The following RGS12 variants were observed in gnomAD, a reference collection of about 807,000 sequenced individuals.
The protein encoded by RGS12 is regulator of G protein signaling 12.
Under a neutral mutation model 120.1 loss-of-function variants are expected in RGS12, and 66 were observed. The observed-to-expected ratio is 0.55, with a 90% CI of 0.45 to 0.67. The LOEUF (loss-of-function observed/expected upper bound fraction) is 0.67. RGS12 is among the 30% of genes least tolerant of loss of function. The pLI is 0.00. For synonymous variants in RGS12, 827 were observed against 804.7 expected (o/e 1.03, Z -0.47); for missense variants, 1,859 against 1,957.7 (o/e 0.95, Z 0.95).
rs2108990907 is a variant in RGS12 at position 3,390,633 on chromosome 4, C to A, written c.2020+4196C>A. 6.6e-6 allele frequency among the ~76,000 whole-genome samples: 1 copy of A among 152,362 alleles called. No homozygotes were observed. The highest frequency in any genetic ancestry group is 2.1e-4 in the South Asian group (1 of 4,826). Reference sequence around the variant, plus strand: ...CAGTGCCTTCACCCAACACGCGGGCCTTTGGAGCTCAGACCTGGCCATGGC... The same window carrying A: ...CAGTGCCTTCACCCAACACGCGGGCATTTGGAGCTCAGACCTGGCCATGGC... On this transcript the variant is annotated intron_variant, in intron 4 of 17. Transcript: ENST00000336727. The surrounding 1 kb of genome is among the most constrained non-coding windows in gnomAD (Gnocchi z 4.6).
At chr4:3,368,355 A>ACCTGTGTGTGTGCGCG (rs1716559744) in intron 3 of RGS12, among the ~76,000 whole-genome samples, 2 of 128,044 alleles carry the variant, frequency 1.6e-5, no homozygotes, top group Admixed American at 1.5e-4. Flanking sequence ...GTGTGTGTGC[A>ACCTGTGTGTGTGCGCG]CCTGTGTGTG....
intron 4 of RGS12, among the ~76,000 whole-genome samples, chr4:3,405,952 A>G (rs928046952): frequency 6.6e-6 from 1 of 151,628 alleles, no homozygotes; most frequent in Non-Finnish European, 1.5e-5. Context: ...TGTCTAGGAG[A>G]GGGCTGGTTT....
intron 17 of RGS12, among the ~76,000 whole-genome samples, chr4:3,436,790 T>TCCTGCTGCATCTTGTGGGGCCTC (rs1724849801): frequency 6.6e-6 from 1 of 152,130 alleles, no homozygotes; most frequent in Non-Finnish European, 1.5e-5. Flanking sequence ...AGAGGGGCCT[T>TCCTGCTGCATCTTGTGGGGCCTC]CCTGCTGCAT....
At chr4:3,436,512 G>T (rs1052767431) in intron 17 of RGS12, among the ~76,000 whole-genome samples, 1 of 152,214 alleles carries the variant, frequency 6.6e-6, no homozygotes, top group Non-Finnish European at 1.5e-5. Context: ...GGAAGGGCGG[G>T]CAGTGGGAGA....
In RGS12 at chr4:3,366,925, T is replaced by C. The variant is rs186587825; in HGVS notation, c.1999-19491T>C. Among the ~76,000 whole-genome samples, 11 of 152,264 alleles carry C rather than the reference T, an allele frequency of 7.2e-5. No individual in the cohort carries two copies. In the East Asian group the frequency reaches 1.9e-3, roughly 27 times the overall value. ...CCAGGCCTCTCCTGGCCCCAGGACA[T>C]AGCCCACGTGGGTCCTCACCTCTGC... On this transcript the variant is annotated intron_variant, in intron 3 of 17. Transcript: ENST00000336727. This position sits in a 1 kb window ranked among gnomAD's most constrained non-coding sequence, Gnocchi z 4.0.
rs1225530650 is a variant in RGS12, at chr4:3,365,008, G to A, written c.1999-21408G>A. On this transcript the variant is annotated intron_variant, in intron 3 of 17. Transcript: ENST00000336727. This position sits in a 1 kb window ranked among gnomAD's most constrained non-coding sequence, Gnocchi z 4.0. ...CACTGGATGGAGCCTCCTGCACCCAGGGCAGAAGCTGCACCTTTCCAGGGG... is the reference window on the plus strand; with the variant it reads ...CACTGGATGGAGCCTCCTGCACCCAAGGCAGAAGCTGCACCTTTCCAGGGG... 2.6e-5 allele frequency among the ~76,000 whole-genome samples: 4 copies of A among 152,088 alleles called. No homozygotes were observed. The highest frequency in any genetic ancestry group is 9.7e-5 in the African/African-American group (4 of 41,410).
chr4:3,364,625 T>C (rs1470352771), intron 3 of RGS12, among the ~76,000 whole-genome samples: 4 of 151,966 alleles, frequency 2.6e-5, no homozygotes, highest in South Asian at 4.2e-4. Context: ...AGGGCAGGTG[T>C]TGGGACACAG....
In RGS12 at chr4:3,422,422, A is replaced by T. The variant is rs1296510037; in HGVS notation, c.2885A>T (p.Lys962Met). Residue 962 changes from lysine to methionine, a missense_variant, in exon 11 of 18, where the codon AAG becomes ATG. Coordinates refer to ENST00000336727, the MANE Select transcript of RGS12 (RefSeq NM_001394154.1). ...TLAPEKDKAT[K>M]HCCIHLPDGT... ...GCACCCGAGAAGGACAAGGCCACCA[A>T]GCACTGCTGCATTCATCTCCCGGAT... The T allele has an allele frequency of 1.9e-6, 3 of 1,612,884 alleles. No homozygotes were observed. The highest frequency in any genetic ancestry group is 8.5e-7 in the Non-Finnish European group (1 of 1,179,918).
intron 1 of RGS12, among the ~76,000 whole-genome samples, chr4:3,309,906 A>G (rs56359978): frequency 9.2e-4 from 60 of 65,440 alleles, no homozygotes; most frequent in South Asian, 3.0e-3. Context: ...GGAACCGTGC[A>G]GGGGAGGAGC....
intron 16 of RGS12, among the ~76,000 whole-genome samples, chr4:3,429,201 A>G (rs947823235): frequency 6.6e-6 from 1 of 152,258 alleles, no homozygotes. Context: ...GTCAGCCTGC[A>G]CACCCCTGGC....
In RGS12 at chr4:3,317,651, G is replaced by C. The variant is rs139665491; in HGVS notation, c.1481G>C (p.Arg494Thr). ...TTTGAGGCCGCTCATCAGACTGACA[G>C]GTTCTGGGACCTAAACAAGCACCTA... Reference protein sequence around the residue: ...PPFEAAHQTDRFWDLNKHLGP... With the variant: ...PPFEAAHQTDTFWDLNKHLGP... Residue 494 changes from arginine to threonine, a missense_variant, in exon 2 of 18, where the codon AGG (arginine) becomes ACG (threonine). Transcript: ENST00000336727. The C allele has an allele frequency of 1.6e-5, 25 of 1,598,100 alleles. No homozygotes were observed. The African/African-American group carries it at 2.9e-4, about 19-fold the overall frequency.
At chr4:3,340,017 CAA>C (rs1712884224) in intron 2 of RGS12, among the ~76,000 whole-genome samples, 2 of 152,220 alleles carry the variant, frequency 1.3e-5, no homozygotes, top group Admixed American at 6.5e-5. Flanking sequence ...ATAATGAGAA[CAA>C]AGTCACTCAT....
At chr4:3,336,202 G>T (rs1046328832) in intron 2 of RGS12, among the ~76,000 whole-genome samples, 8 of 152,228 alleles carry the variant, frequency 5.3e-5, no homozygotes, top group African/African-American at 1.9e-4. Context: ...CCTGTGAGCT[G>T]CCAAGTTGGA....
At chr4:3,309,956 T>G (rs1458806606) in intron 1 of RGS12, among the ~76,000 whole-genome samples, 1 of 119,034 alleles carries the variant, frequency 8.4e-6, no homozygotes, top group African/African-American at 3.3e-5. Flanking sequence ...AGGGGAACCG[T>G]GCAGGGGAGG....
At chr4:3,381,841 A>G (rs1447461897) in intron 3 of RGS12, among the ~76,000 whole-genome samples, 1 of 152,240 alleles carries the variant, frequency 6.6e-6, no homozygotes, top group Non-Finnish European at 1.5e-5. Context: ...TTTTCCTGAC[A>G]AGATTACTTA....
At chr4:3,391,090 G>A (rs1257253992) in intron 4 of RGS12, among the ~76,000 whole-genome samples, 3 of 152,242 alleles carry the variant, frequency 2.0e-5, no homozygotes, top group African/African-American at 7.2e-5. Flanking sequence ...ATGTTAATTT[G>A]TAATGCGCTA....
intron 1 of RGS12, among the ~76,000 whole-genome samples, chr4:3,304,036 CT>C (rs540636479): frequency 5.0e-4 from 76 of 152,334 alleles, no homozygotes; most frequent in Middle Eastern, 3.4e-3. Context: ...TGTGTGGGAT[CT>C]TTCTGAGACT....
chr4:3,438,912 G>T (rs1340799099), intron 17 of RGS12, among the ~76,000 whole-genome samples: 1 of 152,144 alleles, frequency 6.6e-6, no homozygotes, highest in Non-Finnish European at 1.5e-5. Flanking sequence ...GGTGAAGACG[G>T]TGCTGAGGCA....
Position 3,430,664 on chromosome 4 carries a change from C to G in RGS12, c.3823C>G (p.Pro1275Ala), listed in dbSNP as rs1466192040. Residue 1275 changes from proline to alanine, a missense_variant, in exon 17 of 18, where the codon CCG becomes GCG. By Grantham distance (27) the Pro-to-Ala change is conservative (BLOSUM62 -1). Coordinates refer to ENST00000336727, the MANE Select transcript of RGS12 (RefSeq NM_001394154.1). The part of the protein sequence containing the change: ...QESSDSPSTS[P>A]GSASSPPGPP... ...GAGCAGCGACAGCCCGTCCACCAGC[C>G]CGGGCTCAGCCTCCAGCCCCCCTGG... The G allele has an allele frequency of 6.3e-7, 1 of 1,589,268 alleles. No homozygotes were observed. The highest frequency in any genetic ancestry group is 2.3e-5 in the East Asian group (1 of 44,338).
Sources: gnomAD v4.1 joint callset for allele counts (sites outside exome capture counted in the v4.1 genomes callset) on GRCh38, gnomAD v4.1.1 for gene constraint, Gnocchi (gnomAD v3.1) non-coding constraint, MANE v1.5 for transcripts, NCBI Gene and HGNC (gene_info 2026-07-23, HGNC 2026-07-21) for gene names.